RERE: variants seen among roughly 807,000 people sequenced by gnomAD.
RERE encodes arginine-glutamic acid dipeptide repeats.
Under a neutral mutation model 146.1 loss-of-function variants are expected in RERE, and 40 were observed. The ratio of observed to expected loss-of-function variants is 0.27; its 90% CI spans 0.21 to 0.36. The LOEUF (loss-of-function observed/expected upper bound fraction) is 0.36. Among genes scored for constraint, RERE ranks in the 10% least tolerant of loss-of-function variants. RERE has a pLI of 1.00. For missense variants in RERE, 1,933 were observed against 2,138.7 expected, an observed-to-expected ratio of 0.90 and a Z score of 1.90; for synonymous variants, 1,003 against 866.0, an observed-to-expected ratio of 1.16 and a Z score of -2.78.
intron 4 of RERE, among the ~76,000 whole-genome samples, chr1:8,571,208 A>C (rs889231315): frequency 1.3e-5 from 2 of 152,354 alleles, no homozygotes; most frequent in Admixed American, 6.5e-5. Flanking sequence ...TGGCATCATT[A>C]AACAAAACCT....
chr1:8,738,283 CT>C (rs544824181), intron 1 of RERE, among the ~76,000 whole-genome samples: 1 of 151,538 alleles, frequency 6.6e-6, no homozygotes, highest in African/African-American at 2.4e-5. Context: ...TGTTGTTGTT[CT>C]TTTTTTTTAT....
chr1:8,592,793 G>A (rs981624343), intron 4 of RERE, among the ~76,000 whole-genome samples: 4 of 152,104 alleles, frequency 2.6e-5, no homozygotes, highest in African/African-American at 4.8e-5. Context: ...TCATATTTGC[G>A]TGGAGATAAT....
At chr1:8,503,661 G>A (rs1645211843) in intron 8 of RERE, among the ~76,000 whole-genome samples, 1 of 152,118 alleles carries the variant, frequency 6.6e-6, no homozygotes, top group African/African-American at 2.4e-5. Flanking sequence ...CTAAGAAGGG[G>A]CAGAGGGAAT....
At chr1:8,462,469 C>G (rs1644539415) in intron 11 of RERE, among the ~76,000 whole-genome samples, 1 of 152,202 alleles carries the variant, frequency 6.6e-6, no homozygotes, top group Non-Finnish European at 1.5e-5. Context: ...AGGAACCGAG[C>G]TGAGACTGGA....
intron 11 of RERE, among the ~76,000 whole-genome samples, chr1:8,440,635 C>A (rs977795541): frequency 6.7e-6 from 1 of 149,974 alleles, no homozygotes; most frequent in Non-Finnish European, 1.5e-5. Flanking sequence ...TGTCTGTAAT[C>A]CCAGCACTTT....
intron 2 of RERE, among the ~76,000 whole-genome samples, chr1:8,655,515 T>C (rs886879859): frequency 1.3e-5 from 2 of 152,158 alleles, no homozygotes; most frequent in Non-Finnish European, 2.9e-5. Flanking sequence ...CTAAAGGCCA[T>C]TTTTAAAAAG....
intron 10 of RERE, among the ~76,000 whole-genome samples, chr1:8,475,925 G>A (rs902001248): frequency 2.0e-5 from 3 of 152,060 alleles, no homozygotes; most frequent in Non-Finnish European, 2.9e-5. Flanking sequence ...ATGGTCTTAC[G>A]GGAGCAAAAT....
At chr1:8,608,264 G>T (rs1416509873) in intron 4 of RERE, among the ~76,000 whole-genome samples, 2 of 152,142 alleles carry the variant, frequency 1.3e-5, no homozygotes, top group Admixed American at 6.5e-5. Flanking sequence ...GCACTTTGGG[G>T]TACTGACACA....
At chr1:8,520,750 T>A (rs77282918) in intron 7 of RERE, among the ~76,000 whole-genome samples, 7 of 45,266 alleles carry the variant, frequency 1.5e-4, no homozygotes, top group East Asian at 9.8e-3. Flanking sequence ...GCCAAAAAAC[T>A]TTTTAAAAAA....
chr1:8,794,585 G>A (rs190767664), intron 1 of RERE, among the ~76,000 whole-genome samples: 34 of 151,820 alleles, frequency 2.2e-4, no homozygotes, highest in African/African-American at 8.2e-4. Flanking sequence ...CTGAAAAATT[G>A]CTGAATTTGT....
intron 1 of RERE, among the ~76,000 whole-genome samples, chr1:8,735,070 TTTAC>T (rs1370269933): frequency 1.3e-5 from 2 of 152,248 alleles, no homozygotes. Flanking sequence ...TATTAAGCAC[TTTAC>T]TTAGACTATC....
Position 8,360,408 on chromosome 1 carries a change from C to T in RERE, c.3099G>A (p.Pro1033=), listed in dbSNP as rs779302125. The change falls in exon 18 of 23, where the codon CCG becomes CCA. Residue 1033 remains proline, a synonymous_variant. Coordinates refer to ENST00000400908, the MANE Select transcript of RERE (RefSeq NM_001042681.2). Reference sequence around the variant, plus strand: ...CAGGGACAAAGGGGTGCTGAGCAAACGGGGGTTGGGGGGCCACCTGGTGGA... The same window carrying T: ...CAGGGACAAAGGGGTGCTGAGCAAATGGGGGTTGGGGGGCCACCTGGTGGA... The part of the protein sequence containing the change: ...TGLHQVAPQP[P]FAQHPFVPGG... The T allele has an allele frequency of 2.7e-4, 228 of 845,548 alleles. 1 individual carries two copies. In the Middle Eastern group the frequency reaches 5.1e-3, roughly 19 times the overall value. 52.4% of individuals were successfully genotyped at this position (845,548 alleles called of 1,614,324 possible). A position where few individuals can be genotyped will look rare whatever the true frequency, so the allele number is the denominator to read the frequency against.
intron 7 of RERE, among the ~76,000 whole-genome samples, chr1:8,538,864 T>C (rs998168047): frequency 6.6e-6 from 1 of 152,192 alleles, no homozygotes; most frequent in African/African-American, 2.4e-5. Flanking sequence ...GTGTTCCTTA[T>C]TGCATCCATA....
chr1:8,463,816 C>G (rs1644558981), intron 11 of RERE, among the ~76,000 whole-genome samples: 1 of 152,184 alleles, frequency 6.6e-6, no homozygotes, highest in South Asian at 2.1e-4. Flanking sequence ...AATGCAGAAG[C>G]AGAAGCAGCC....
In RERE at chr1:8,466,021, C is replaced by A. The variant is rs1644591837; in HGVS notation, c.1107G>T (p.Leu369=). The change falls in exon 11 of 23, where the codon CTG becomes CTT. Residue 369 remains leucine, a splice_region_variant and synonymous_variant. Transcript: ENST00000400908. ...DDTTLNALNT[L]HESGYDAGKA... The stretch of plus-strand genomic sequence containing the variant: ...TGCCAGCATCGTAACCGCTTTCATG[C>A]AGCTAAAACAACAACAATTATAGTT... The A allele has an allele frequency of 1.2e-6, 2 of 1,606,522 alleles. No individual in the cohort carries two copies. The highest frequency in any genetic ancestry group is 1.3e-5 in the African/African-American group (1 of 74,830).
rs375262750 is a variant in RERE, at chr1:8,789,677, A to G, written c.-145+27483T>C. ...ATTCCAAGCCTGTCTTCTTTGGTCT[A>G]CCTAACTTATCTGGCACTATTCCTC... On this transcript the variant is annotated intron_variant, in intron 1 of 22. Coordinates refer to ENST00000400908, the MANE Select transcript of RERE (RefSeq NM_001042681.2). Among the ~76,000 whole-genome samples, 8 of 152,110 alleles carry G rather than the reference A, an allele frequency of 5.3e-5. No individual in the cohort carries two copies. The East Asian group carries it at 1.3e-3, about 26-fold the overall frequency.
intron 1 of RERE, among the ~76,000 whole-genome samples, chr1:8,758,810 T>A (rs911629573): frequency 6.6e-6 from 1 of 151,962 alleles, no homozygotes; most frequent in Non-Finnish European, 1.5e-5. Flanking sequence ...TAATAATGTA[T>A]TATATTACTG....
At chr1:8,582,977 G>T (rs1460877547) in intron 4 of RERE, among the ~76,000 whole-genome samples, 1 of 152,122 alleles carries the variant, frequency 6.6e-6, no homozygotes, top group Non-Finnish European at 1.5e-5. Flanking sequence ...TATCAATGGG[G>T]GTTGGGGACA....
At chr1:8,744,338 T>C (rs910196561) in intron 1 of RERE, among the ~76,000 whole-genome samples, 2 of 152,216 alleles carry the variant, frequency 1.3e-5, no homozygotes, top group South Asian at 4.1e-4. Context: ...ATGTGGGTAG[T>C]AACGATTTAC....
Sources: gnomAD v4.1 joint callset for allele counts (sites outside exome capture counted in the v4.1 genomes callset) on GRCh38, gnomAD v4.1.1 for gene constraint, MANE v1.5 for transcripts, NCBI Gene and HGNC (gene_info 2026-07-23, HGNC 2026-07-21) for gene names.